Variants in FAM193A observed in about 807,000 individuals in gnomAD.
FAM193A encodes family with sequence similarity 193 member A, also known as protein FAM193A.
In FAM193A, 22 loss-of-function variants were observed where a neutral mutation model predicts 126.5. The observed-to-expected ratio is 0.17, with a 90% CI of 0.12 to 0.25. The LOEUF is 0.25. FAM193A is among the 10% of genes least tolerant of loss of function. The pLI is 1.00. For missense variants in FAM193A, 1,675 were observed against 1,672.8 expected (o/e 1.00, Z -0.02); for synonymous variants, 761 against 646.8 (o/e 1.18, Z -2.68).
intron 1 of FAM193A, among the ~76,000 whole-genome samples, chr4:2,583,004 TGTCTCC>T (rs1740038832): frequency 6.6e-6 from 1 of 152,170 alleles, no homozygotes; most frequent in Non-Finnish European, 1.5e-5. Flanking sequence ...GTTTTGCTCT[TGTCTCC>T]CAGGCTGGAG....
chr4:2,636,668 T>A (rs1744122271), intron 5 of FAM193A, among the ~76,000 whole-genome samples: 1 of 152,240 alleles, frequency 6.6e-6, no homozygotes, highest in South Asian at 2.1e-4. Flanking sequence ...AGCACTGATC[T>A]CATCAGAAAG....
In FAM193A at chr4:2,539,371, GTA is replaced by G. The variant is rs543993192; in HGVS notation, c.255+2203_255+2204del. 1.5e-4 allele frequency among the ~76,000 whole-genome samples: 23 copies of G among 152,134 alleles called. No homozygotes were observed. The South Asian group carries it at 4.8e-3, about 32-fold the overall frequency. ...GACCCTTGCCACTGTGCCCACCTGA[GTA>G]TTATTTTTGACAGGACTGTGATATT... is the stretch of plus-strand genomic sequence containing the variant. On this transcript the variant is annotated intron_variant, in intron 1 of 20. Coordinates refer to ENST00000637812, the MANE Select transcript of FAM193A (RefSeq NM_001366318.2).
intron 1 of FAM193A, among the ~76,000 whole-genome samples, chr4:2,572,196 G>T (rs1281762157): frequency 6.7e-6 from 1 of 150,058 alleles, no homozygotes; most frequent in East Asian, 2.0e-4. Flanking sequence ...GGGTGTGGTT[G>T]TGTGTGCCAG....
chr4:2,648,508 TC>T (rs1442949340), intron 7 of FAM193A, among the ~76,000 whole-genome samples: 1 of 152,240 alleles, frequency 6.6e-6, no homozygotes, highest in Non-Finnish European at 1.5e-5. Context: ...CCAGAGACTT[TC>T]CTGCTGTGGC....
chr4:2,541,417 T>G (rs532156234), intron 1 of FAM193A, among the ~76,000 whole-genome samples: 13 of 151,962 alleles, frequency 8.6e-5, no homozygotes, highest in Non-Finnish European at 1.8e-4. Flanking sequence ...AAATCTGGGT[T>G]ATAGTCCACA....
rs143732213 is a variant in FAM193A, at chr4:2,617,615, T to C, written c.502-7647T>C. Among the ~76,000 whole-genome samples the C allele has an allele frequency of 5.1e-4, 77 of 152,066 alleles. 4 individuals are homozygous for C. The highest frequency in any genetic ancestry group is 4.8e-3 in the East Asian group (25 of 5,162). ...TGTCTCCTGTTGACCTTACTACCTG[T>C]ATTTCTTTTTCTTTGTTTTATAATT... On this transcript the variant is annotated intron_variant, in intron 2 of 20. Coordinates refer to ENST00000637812, the MANE Select transcript of FAM193A (RefSeq NM_001366318.2).
rs193249800 is a variant in FAM193A at position 2,573,988 on chromosome 4, T to A, written c.256-22096T>A. Among the ~76,000 whole-genome samples, 28 of 152,196 alleles carry A rather than the reference T, an allele frequency of 1.8e-4. No homozygotes were observed. The East Asian group carries it at 5.2e-3, about 28-fold the overall frequency. ...ACCTGTGAGGCTGGAGCAGAATGAGTCAGAGAGGCTCAGGGGACAAATATG... is the reference window on the plus strand; with the variant it reads ...ACCTGTGAGGCTGGAGCAGAATGAGACAGAGAGGCTCAGGGGACAAATATG... On this transcript the variant is annotated intron_variant, in intron 1 of 20. Coordinates refer to ENST00000637812, the MANE Select transcript of FAM193A (RefSeq NM_001366318.2).
chr4:2,730,751 G>A (rs1270618356), intron 20 of FAM193A, among the ~76,000 whole-genome samples: 2 of 151,822 alleles, frequency 1.3e-5, no homozygotes, highest in East Asian at 3.8e-4. Context: ...AAATTAGCTG[G>A]GTGTTGTGGT....
intron 10 of FAM193A, among the ~76,000 whole-genome samples, chr4:2,662,402 C>T (rs1262552114): frequency 2.0e-5 from 3 of 152,142 alleles, no homozygotes; most frequent in Non-Finnish European, 4.4e-5. Context: ...AAAAAGCAAA[C>T]ACTAAACAGC....
chr4:2,573,926 G>A (rs965565762), intron 1 of FAM193A, among the ~76,000 whole-genome samples: 12 of 152,192 alleles, frequency 7.9e-5, no homozygotes, highest in African/African-American at 2.9e-4. Flanking sequence ...CAAAGGCCTC[G>A]TCTGGGAGCA....
chr4:2,722,465 A>G (rs975068481), intron 20 of FAM193A, among the ~76,000 whole-genome samples: 2 of 152,192 alleles, frequency 1.3e-5, no homozygotes, highest in Non-Finnish European at 2.9e-5. Context: ...TGAGCATTCT[A>G]TTCCAGCTGC....
At chr4:2,535,680 C>T (rs1378526891), upstream of FAM193A, among the ~76,000 whole-genome samples, 1 of 152,154 alleles carries the variant, frequency 6.6e-6, no homozygotes, top group African/African-American at 2.4e-5. Context: ...CTGATCTGGA[C>T]GTCTGCGAGG....
chr4:2,605,539 T>C (rs1447312403), intron 2 of FAM193A, among the ~76,000 whole-genome samples: 2 of 152,250 alleles, frequency 1.3e-5, no homozygotes, highest in African/African-American at 2.4e-5. Context: ...TCTTGCTGAT[T>C]GTGGAGCACA....
At chr4:2,589,851 T>C (rs1740422158) in intron 1 of FAM193A, among the ~76,000 whole-genome samples, 1 of 152,164 alleles carries the variant, frequency 6.6e-6, no homozygotes, top group East Asian at 1.9e-4. Flanking sequence ...AAAGATCATG[T>C]ATAGGCTGGG....
intron 2 of FAM193A, 68 bp downstream of exon 2, chr4:2,596,397 C>G: frequency 1.5e-6 from 1 of 665,560 alleles, no homozygotes; most frequent in Non-Finnish European, 2.7e-6. Flanking sequence ...GGGTAACTGG[C>G]AGTGAAAGAA....
In FAM193A at chr4:2,700,227, G is replaced by A; in HGVS notation, c.4055G>A (p.Arg1352Lys). 6.2e-7 allele frequency: 1 copy of A among 1,614,010 alleles called. No homozygotes were observed. The highest frequency in any genetic ancestry group is 8.5e-7 in the Non-Finnish European group (1 of 1,180,016). ...AGCAAGGCCAGCAGCGAGCCAGCGA[G>A]GAGGCCCACAGAGCCCCCCAAGGCC... ...QTSKASSEPA[R>K]RPTEPPKATE... The change falls in exon 19 of 21, where the codon AGG becomes AAG. Residue 1352 changes from arginine to lysine, a missense_variant. Physicochemically the swap from Arg to Lys is conservative, Grantham distance 26 (BLOSUM62 2). This residue lies in a region of FAM193A where 415 missense variants were observed against 396.7 expected (regional missense o/e 1.05). Transcript: ENST00000637812.
chr4:2,693,710 G>T lies in FAM193A; in HGVS notation c.2928G>T (p.Ala976=). 1.2e-6 allele frequency: 2 copies of T among 1,614,092 alleles called. No individual in the cohort carries two copies. The highest frequency in any genetic ancestry group is 1.7e-6 in the Non-Finnish European group (2 of 1,180,000). The stretch of plus-strand genomic sequence containing the variant: ...CGCCTGCTGCGCTGTCACCTGCTGC[G>T]CTCTCACCTGCCTCCACACCTCACC... ...ALSPAALSPA[A]LSPASTPHLA... The change falls in exon 16 of 21, where the codon GCG becomes GCT. Residue 976 remains alanine, a synonymous_variant. Transcript: ENST00000637812.
intron 2 of FAM193A, among the ~76,000 whole-genome samples, chr4:2,597,183 T>C (rs895989939): frequency 6.6e-6 from 1 of 152,152 alleles, no homozygotes; most frequent in African/African-American, 2.4e-5. Flanking sequence ...ACTTTCTCAC[T>C]CGGCCCCTCC....
chr4:2,713,174 A>AG (rs1020094136), intron 19 of FAM193A, among the ~76,000 whole-genome samples: 32 of 151,054 alleles, frequency 2.1e-4, no homozygotes, highest in African/African-American at 7.6e-4. Flanking sequence ...TGGGAGGCCG[A>AG]GGGGGGCAGA....
Sources: gnomAD v4.1 joint callset for allele counts (sites outside exome capture counted in the v4.1 genomes callset) on GRCh38, gnomAD v4.1.1 for gene constraint, gnomAD v4.1.1 regional missense constraint, MANE v1.5 for transcripts, NCBI Gene and HGNC (gene_info 2026-07-23, HGNC 2026-07-21) for gene names.